SPIRE1: variants seen among roughly 807,000 people sequenced by gnomAD.
The protein encoded by SPIRE1 is spire type actin nucleation factor 1, also known as protein spire homolog 1.
In SPIRE1, 40 loss-of-function variants were observed where a neutral mutation model predicts 94.1. The observed-to-expected ratio is 0.43, with a 90% confidence interval of 0.33 to 0.55. The LOEUF is 0.55. Ranked by LOEUF, SPIRE1 falls within the 20% of genes least tolerant of loss-of-function variation. The pLI is 0.06. For synonymous variants in SPIRE1, 376 were observed against 371.7 expected (o/e 1.01, Z -0.13); for missense variants, 838 against 975.2 (o/e 0.86, Z 1.87).
At position 12,524,296 on chromosome 18, in the gene SPIRE1, T is replaced by C. The variant is rs184583674; in HGVS notation, c.729+11180A>G. 3.1e-4 allele frequency among the ~76,000 whole-genome samples: 47 copies of C among 152,334 alleles called. No homozygotes were observed. In the East Asian group the frequency reaches 7.9e-3, roughly 26 times the overall value. ...AGATAAACTGGCTCTAATCTGGGCA[T>C]CTATAATTCATCCTCCCATCCTAGG... is the stretch of plus-strand genomic sequence containing the variant. On this transcript the variant is annotated intron_variant, in intron 4 of 16. Coordinates refer to ENST00000409402, the MANE Select transcript of SPIRE1 (RefSeq NM_001128626.2).
At chr18:12,645,002 T>C (rs904432186) in intron 1 of SPIRE1, among the ~76,000 whole-genome samples, 15 of 151,954 alleles carry the variant, frequency 9.9e-5, no homozygotes, top group African/African-American at 3.4e-4. Flanking sequence ...CCCCAGTACT[T>C]TGGGAGGCCA....
chr18:12,474,273 G>C lies in SPIRE1; in HGVS notation c.1404+5426C>G, dbSNP rs149818695. On this transcript the variant is annotated intron_variant, in intron 10 of 16. Coordinates refer to ENST00000409402, the MANE Select transcript of SPIRE1 (RefSeq NM_001128626.2). ...ACAGAGAGTGGACAAAGAGGCTCAT[G>C]CAAGGGGCAGCAGAGGCAGGTGGAC... Among the ~76,000 whole-genome samples the C allele has an allele frequency of 3.2e-3, 494 of 152,334 alleles. 1 individual carries two copies. The highest frequency in any genetic ancestry group is 0.011 in the African/African-American group (463 of 41,576).
chr18:12,520,423 C>T (rs915698457), intron 4 of SPIRE1, among the ~76,000 whole-genome samples: 5 of 152,222 alleles, frequency 3.3e-5, no homozygotes, highest in East Asian at 1.9e-4. Context: ...AGTTCTTCCA[C>T]GAGCTTTCAG....
intron 5 of SPIRE1, among the ~76,000 whole-genome samples, chr18:12,507,515 A>G (rs1168535170): frequency 6.6e-6 from 1 of 152,056 alleles, no homozygotes; most frequent in Non-Finnish European, 1.5e-5. Context: ...CCTGACCAAC[A>G]TGGTGAAACC....
chr18:12,514,919 A>T (rs1240392945), intron 4 of SPIRE1, among the ~76,000 whole-genome samples: 1 of 152,204 alleles, frequency 6.6e-6, no homozygotes, highest in Non-Finnish European at 1.5e-5. Context: ...GGTCAACAAG[A>T]TTCAACCAGC....
chr18:12,596,364 G>A (rs2036672076), intron 2 of SPIRE1, among the ~76,000 whole-genome samples: 1 of 152,102 alleles, frequency 6.6e-6, no homozygotes, highest in Non-Finnish European at 1.5e-5. Flanking sequence ...TCATTGCATA[G>A]ACATTTAATT....
Position 12,584,757 on chromosome 18 carries a change from C to T in SPIRE1, c.373-37853G>A, listed in dbSNP as rs116388869. ...CCAGTCTGGGCAACATAGCAAGGCC[C>T]TGTCTCTAAATTAAAAATAAATAAT... On this transcript the variant is annotated intron_variant, in intron 2 of 16. Coordinates refer to ENST00000409402, the MANE Select transcript of SPIRE1 (RefSeq NM_001128626.2). Among the ~76,000 whole-genome samples, 390 of 152,110 alleles carry T rather than the reference C, an allele frequency of 2.6e-3. 1 individual carries two copies. Among genetic ancestry groups the T allele is most frequent in the African/African-American group, 9.0e-3 (374 of 41,526 alleles).
intron 10 of SPIRE1, among the ~76,000 whole-genome samples, chr18:12,466,343 C>A (rs978574971): frequency 6.6e-6 from 1 of 152,036 alleles, no homozygotes; most frequent in African/African-American, 2.4e-5. Flanking sequence ...GTGGCATGAT[C>A]TCAGCTCACT....
chr18:12,526,537 C>G (rs58638386), intron 4 of SPIRE1, among the ~76,000 whole-genome samples: 7,282 of 152,038 alleles, frequency 0.048, 196 homozygotes, highest in South Asian at 0.096. Flanking sequence ...ACCATCGTAC[C>G]GACAGTGAGA....
intron 6 of SPIRE1, among the ~76,000 whole-genome samples, chr18:12,502,227 GA>G (rs2033688812): frequency 6.6e-6 from 1 of 152,046 alleles, no homozygotes; most frequent in African/African-American, 2.4e-5. Context: ...GATAAAAAGA[GA>G]AAGGTTCTTG....
At position 12,614,333 on chromosome 18, in the gene SPIRE1, CTTAAT is replaced by C. The variant is rs201702806; in HGVS notation, c.372+20724_372+20728del. ...AGTTGATTTGACCTGCTTCTTTTTA[CTTAAT>C]TTATCTACTAGAAAATTTCAAATTA... On this transcript the variant is annotated intron_variant, in intron 2 of 16. Transcript: ENST00000409402. 4.3e-3 allele frequency among the ~76,000 whole-genome samples: 652 copies of C among 152,284 alleles called. 4 individuals carry two copies. The highest frequency in any genetic ancestry group is 0.014 in the South Asian group (69 of 4,820).
intron 2 of SPIRE1, among the ~76,000 whole-genome samples, chr18:12,592,498 G>T (rs1328423818): frequency 6.6e-6 from 1 of 152,178 alleles, no homozygotes; most frequent in African/African-American, 2.4e-5. Context: ...AGGAAGCGAA[G>T]GAAGGTGAAG....
chr18:12,450,564 A>C (rs1240602251), intron 16 of SPIRE1: 1 of 552,326 alleles, frequency 1.8e-6, no homozygotes, highest in Non-Finnish European at 3.2e-6. Flanking sequence ...AATTTTGCAG[A>C]ATTTTCCAAG....
At chr18:12,634,960 T>A in intron 2 of SPIRE1, 102 bp downstream of exon 2, 1 of 607,826 alleles carries the variant, frequency 1.6e-6, no homozygotes, top group South Asian at 2.0e-5. Flanking sequence ...AGAAATCTTA[T>A]CAGAAGACCA....
intron 4 of SPIRE1, among the ~76,000 whole-genome samples, chr18:12,522,193 T>C (rs2034383797): frequency 6.6e-6 from 1 of 152,226 alleles, no homozygotes; most frequent in South Asian, 2.1e-4. Context: ...TTAAAAGTGC[T>C]ACTCCAGTGA....
intron 2 of SPIRE1, among the ~76,000 whole-genome samples, chr18:12,569,257 G>A (rs1312906654): frequency 1.3e-5 from 2 of 151,568 alleles, no homozygotes; most frequent in East Asian, 3.9e-4. Context: ...GCAGGAGAAT[G>A]GCGTGAACCT....
chr18:12,534,609 C>G (rs1391498188), intron 4 of SPIRE1, among the ~76,000 whole-genome samples: 1 of 152,110 alleles, frequency 6.6e-6, no homozygotes, highest in African/African-American at 2.4e-5. Flanking sequence ...CTCTCTCTCT[C>G]CTGGTGCTGG....
intron 2 of SPIRE1, among the ~76,000 whole-genome samples, chr18:12,565,588 G>C (rs2035796998): frequency 6.6e-6 from 1 of 151,872 alleles, no homozygotes; most frequent in African/African-American, 2.4e-5. Flanking sequence ...TGGTCAAGCT[G>C]GTCTTGAATT....
intron 1 of SPIRE1, among the ~76,000 whole-genome samples, chr18:12,636,043 C>A (rs751128460): frequency 6.6e-6 from 1 of 152,056 alleles, no homozygotes; most frequent in African/African-American, 2.4e-5. Context: ...CAGGCACCCA[C>A]CACCATGCCC....
Sources: gnomAD v4.1 joint callset for allele counts (sites outside exome capture counted in the v4.1 genomes callset) on GRCh38, gnomAD v4.1.1 for gene constraint, MANE v1.5 for transcripts, NCBI Gene and HGNC (gene_info 2026-07-23, HGNC 2026-07-21) for gene names.